Variants in DLGAP2 observed in about 807,000 individuals in gnomAD.
The protein encoded by DLGAP2 is DLG associated protein 2.
In DLGAP2, 26 loss-of-function variants were observed where a neutral mutation model predicts 100.3. The ratio of observed to expected loss-of-function variants is 0.26; its 90% CI spans 0.19 to 0.36. The LOEUF (loss-of-function observed/expected upper bound fraction) is 0.36, where lower values mean the gene tolerates loss of function less well. Among genes scored for constraint, DLGAP2 ranks in the 10% least tolerant of loss-of-function variants. The pLI is 1.00. For missense variants in DLGAP2, 1,858 were observed against 1,453.2 expected (o/e 1.28, Z -4.53); for synonymous variants, 886 against 630.1 (o/e 1.41, Z -6.08).
intron 2 of DLGAP2, among the ~76,000 whole-genome samples, chr8:1,098,569 C>G (rs545494773): frequency 6.6e-6 from 1 of 151,264 alleles, no homozygotes; most frequent in East Asian, 1.9e-4. Context: ...GCGATGGCCA[C>G]CCACAGACGC....
chr8:1,219,278 T>A (rs1054717531), intron 2 of DLGAP2, among the ~76,000 whole-genome samples: 5 of 152,102 alleles, frequency 3.3e-5, no homozygotes, highest in African/African-American at 9.7e-5. Flanking sequence ...GGCTCTTATT[T>A]TGAGATAAGT....
At chr8:1,068,111 C>G (rs1489391811) in intron 2 of DLGAP2, among the ~76,000 whole-genome samples, 3 of 152,284 alleles carry the variant, frequency 2.0e-5, no homozygotes, top group South Asian at 2.1e-4. Context: ...ATTTACGGTG[C>G]CTTCGTGTCT....
intron 2 of DLGAP2, among the ~76,000 whole-genome samples, chr8:1,031,668 T>C (rs1801975917): frequency 6.6e-6 from 1 of 152,188 alleles, no homozygotes; most frequent in African/African-American, 2.4e-5. Context: ...AGGATTAAAT[T>C]AGATGTTCCT....
intron 2 of DLGAP2, among the ~76,000 whole-genome samples, chr8:937,563 G>C (rs1007194836): frequency 2.0e-5 from 3 of 152,176 alleles, no homozygotes; most frequent in Non-Finnish European, 2.9e-5. Flanking sequence ...ATCAGAGAGA[G>C]AGCAATCTTT....
chr8:1,682,678 T>A (rs1053018939), intron 12 of DLGAP2, among the ~76,000 whole-genome samples: 1 of 151,500 alleles, frequency 6.6e-6, no homozygotes, highest in Non-Finnish European at 1.5e-5. Flanking sequence ...TTCACCATGT[T>A]GGCCAGGATA....
intron 1 of DLGAP2, among the ~76,000 whole-genome samples, chr8:842,422 C>T (rs139450066): frequency 1.3e-5 from 2 of 152,202 alleles, no homozygotes; most frequent in African/African-American, 2.4e-5. Flanking sequence ...TGAACAGGCA[C>T]GTGCTTGAAT....
intron 13 of DLGAP2, 75 bp from the exon 14 acceptor site, chr8:1,697,072 G>C (rs1585074241): frequency 7.2e-7 from 1 of 1,395,730 alleles, no homozygotes; most frequent in Non-Finnish European, 9.4e-7. Flanking sequence ...AGGCATGCGT[G>C]GGGAGGAGTG....
At chr8:1,029,278 G>C (rs977755310) in intron 2 of DLGAP2, among the ~76,000 whole-genome samples, 3 of 152,338 alleles carry the variant, frequency 2.0e-5, no homozygotes, top group East Asian at 1.9e-4. Context: ...TCTGGCTGAG[G>C]CTGTCTTGGA....
intron 3 of DLGAP2, among the ~76,000 whole-genome samples, chr8:1,353,093 C>G (rs113326286): frequency 4.5e-4 from 68 of 152,316 alleles, no homozygotes; most frequent in African/African-American, 1.5e-3. Flanking sequence ...AAGGACCCCC[C>G]CGAGGTCAGT....
At chr8:868,679 G>A (rs146780616) in intron 1 of DLGAP2, among the ~76,000 whole-genome samples, 108 of 152,358 alleles carry the variant, frequency 7.1e-4, no homozygotes, top group African/African-American at 2.5e-3. Flanking sequence ...CCTTGAAGAA[G>A]GTGCTGGTGT....
intron 2 of DLGAP2, among the ~76,000 whole-genome samples, chr8:983,707 A>G (rs183038536): frequency 3.9e-5 from 6 of 152,086 alleles, no homozygotes; most frequent in African/African-American, 1.4e-4. Context: ...CAGTGGTGTG[A>G]TCGTGGCTCA....
intron 3 of DLGAP2, among the ~76,000 whole-genome samples, chr8:1,319,365 T>C (rs932741098): frequency 5.3e-5 from 8 of 152,138 alleles, no homozygotes; most frequent in Admixed American, 4.6e-4. Context: ...ATGCAGGTGT[T>C]GGGAGAGAGG....
chr8:1,357,838 A>T (rs1407672994), intron 3 of DLGAP2, among the ~76,000 whole-genome samples: 1 of 152,146 alleles, frequency 6.6e-6, no homozygotes, highest in Admixed American at 6.5e-5. Flanking sequence ...GCCTCAGAGC[A>T]CAGGGAGGGG....
At chr8:1,338,073 G>C (rs1020185502) in intron 3 of DLGAP2, among the ~76,000 whole-genome samples, 1 of 152,244 alleles carries the variant, frequency 6.6e-6, no homozygotes, top group Non-Finnish European at 1.5e-5. Context: ...AGGCCCTTCA[G>C]AGACAGCCCA....
chr8:1,598,746 G>T (rs1320917404), intron 6 of DLGAP2, among the ~76,000 whole-genome samples: 1 of 151,826 alleles, frequency 6.6e-6, no homozygotes, highest in Non-Finnish European at 1.5e-5. Context: ...CTATTTGATT[G>T]TTCTCTGTTT....
intron 1 of DLGAP2, among the ~76,000 whole-genome samples, chr8:881,356 A>G (rs1426658051): frequency 6.6e-6 from 1 of 152,150 alleles, no homozygotes; most frequent in Admixed American, 6.5e-5. Flanking sequence ...TTGTATCTCT[A>G]TCTCTGTAAA....
intron 2 of DLGAP2, among the ~76,000 whole-genome samples, chr8:1,201,850 T>C (rs7011631): frequency 0.23 from 35,598 of 152,016 alleles, 6,991 homozygotes; most frequent in African/African-American, 0.54. Flanking sequence ...CATGTGTGTA[T>C]GTGTACGGTA....
At chr8:1,181,956 A>T (rs953374218) in intron 2 of DLGAP2, among the ~76,000 whole-genome samples, 14 of 152,208 alleles carry the variant, frequency 9.2e-5, no homozygotes, top group African/African-American at 3.4e-4. Context: ...ATTTTAGGTG[A>T]ACATAGATAC....
chr8:1,697,307 C>A lies in DLGAP2; in HGVS notation c.2949+8C>A. The A allele has an allele frequency of 6.3e-7, 1 of 1,596,368 alleles. No individual in the cohort carries two copies. The highest frequency in any genetic ancestry group is 8.6e-7 in the Non-Finnish European group (1 of 1,169,546). On this transcript the variant is annotated splice_region_variant and intron_variant, in intron 14 of 14. Coordinates refer to ENST00000637795, the MANE Select transcript of DLGAP2 (RefSeq NM_001346810.2). ...GAGTCCCCGGAAAGAAAGGTAAGGG[C>A]ATCCATGCAGGGCCGGCTCCCAGCA...
Sources: allele counts gnomAD v4.1 joint callset (sites outside exome capture counted in the v4.1 genomes callset), GRCh38; gene constraint gnomAD v4.1.1; transcripts MANE v1.5; gene names NCBI Gene and HGNC (gene_info 2026-07-23, HGNC 2026-07-21).